The following GALNT14 variants were observed in gnomAD, a reference collection of about 807,000 sequenced individuals.
The protein encoded by GALNT14 is polypeptide N-acetylgalactosaminyltransferase 14.
In GALNT14, 60 loss-of-function variants were observed where a neutral mutation model predicts 77.5. The ratio of observed to expected loss-of-function variants is 0.77; its 90% CI spans 0.63 to 0.96. GALNT14 has a LOEUF of 0.96. GALNT14 is among the 40% of genes least tolerant of loss of function. The pLI, the probability that GALNT14 is intolerant of heterozygous loss-of-function variation, is 0.00. For missense variants in GALNT14, 710 were observed against 731.0 expected (o/e 0.97, Z 0.33); for synonymous variants, 280 against 281.7 (o/e 0.99, Z 0.06).
chr2:30,966,069 A>G, intron 3 of GALNT14, 135 bp downstream of exon 3: 1 of 642,746 alleles, frequency 1.6e-6, no homozygotes. Flanking sequence ...GACACATGTG[A>G]CATATAGAAT....
chr2:31,033,884 T>C (rs1672559038), intron 1 of GALNT14, among the ~76,000 whole-genome samples: 1 of 152,210 alleles, frequency 6.6e-6, no homozygotes, highest in Admixed American at 6.5e-5. Flanking sequence ...TGTCAGAAAC[T>C]GAACTCATGA....
intron 1 of GALNT14, among the ~76,000 whole-genome samples, chr2:31,087,444 T>A (rs1196023670): frequency 1.5e-5 from 1 of 64,978 alleles, no homozygotes; most frequent in Non-Finnish European, 3.4e-5. Flanking sequence ...GGGGATCTAC[T>A]GAGGGGAGGG....
At chr2:30,940,000 CAAA>C (rs72540472) in intron 9 of GALNT14, among the ~76,000 whole-genome samples, 21,580 of 126,274 alleles carry the variant, frequency 0.17, 1,664 homozygotes, top group Non-Finnish European at 0.2. Context: ...TATAAAATGC[CAAA>C]AAAAAAAAAA....
chr2:30,962,314 G>A (rs1667741741), intron 3 of GALNT14, among the ~76,000 whole-genome samples: 1 of 152,202 alleles, frequency 6.6e-6, no homozygotes, highest in Non-Finnish European at 1.5e-5. Flanking sequence ...CACCTGTTAA[G>A]GGCAGAGCCA....
At chr2:31,018,078 G>A (rs1421302064) in intron 1 of GALNT14, among the ~76,000 whole-genome samples, 3 of 152,294 alleles carry the variant, frequency 2.0e-5, no homozygotes, top group Admixed American at 1.3e-4. Context: ...CAATTTTCAC[G>A]ACAAGAAAGG....
chr2:30,991,084 A>C (rs1669668721), intron 2 of GALNT14: 1 of 151,374 alleles, frequency 6.6e-6, no homozygotes, highest in Admixed American at 6.6e-5. Context: ...TGGTAGAAGA[A>C]GTTAAGTGTA....
intron 1 of GALNT14, among the ~76,000 whole-genome samples, chr2:31,009,470 C>T (rs1670886347): frequency 6.6e-6 from 1 of 152,216 alleles, no homozygotes; most frequent in African/African-American, 2.4e-5. Context: ...CTCCTCTCCA[C>T]TCGTTACACT....
At chr2:31,109,366 C>T (rs1677723287) in intron 1 of GALNT14, among the ~76,000 whole-genome samples, 1 of 152,172 alleles carries the variant, frequency 6.6e-6, no homozygotes, top group Non-Finnish European at 1.5e-5. Flanking sequence ...CAGAAGGAAG[C>T]CACCCATTGA....
chr2:31,108,575 A>G (rs1373769405), intron 1 of GALNT14, among the ~76,000 whole-genome samples: 1 of 152,256 alleles, frequency 6.6e-6, no homozygotes, highest in African/African-American at 2.4e-5. Flanking sequence ...AATGCAAGAA[A>G]GGTAACACTG....
chr2:30,909,685 T>C (rs1664251244), downstream of GALNT14, among the ~76,000 whole-genome samples: 1 of 151,918 alleles, frequency 6.6e-6, no homozygotes, highest in Admixed American at 6.6e-5. Context: ...GGAAATACCA[T>C]TTGACCCAGC....
At chr2:31,045,220 C>T (rs952271562) in intron 1 of GALNT14, among the ~76,000 whole-genome samples, 12 of 152,134 alleles carry the variant, frequency 7.9e-5, no homozygotes, top group African/African-American at 2.9e-4. Context: ...ACTTCAGAGG[C>T]CTTGCCATTT....
At chr2:30,989,581 T>TATATATATATATATATATAA (rs1384068782) in intron 2 of GALNT14, among the ~76,000 whole-genome samples, 3 of 108,172 alleles carry the variant, frequency 2.8e-5, no homozygotes, top group Admixed American at 9.6e-5. Flanking sequence ...TATATATATA[T>TATATATATATATATATATAA]AAAAATATAT....
At chr2:30,978,495 C>G (rs143508724) in intron 2 of GALNT14, among the ~76,000 whole-genome samples, 195 of 152,272 alleles carry the variant, frequency 1.3e-3, no homozygotes, top group African/African-American at 4.5e-3. Flanking sequence ...ATATATGGTG[C>G]CTCCCACACA....
chr2:31,021,171 T>C (rs574761949), intron 1 of GALNT14, among the ~76,000 whole-genome samples: 1 of 152,158 alleles, frequency 6.6e-6, no homozygotes, highest in South Asian at 2.1e-4. Context: ...GGAAGGGATG[T>C]TCCCAAGGGC....
intron 1 of GALNT14, among the ~76,000 whole-genome samples, chr2:31,041,405 G>C (rs551236939): frequency 6.6e-6 from 1 of 152,310 alleles, no homozygotes; most frequent in East Asian, 1.9e-4. Context: ...TTCTTGGAAA[G>C]ATGGACAGGA....
At chr2:30,941,620 T>G (rs1167627683) in intron 9 of GALNT14, among the ~76,000 whole-genome samples, 1 of 152,178 alleles carries the variant, frequency 6.6e-6, no homozygotes, top group Non-Finnish European at 1.5e-5. Context: ...AACCATCTGT[T>G]TGTACAGTTT....
intron 1 of GALNT14, among the ~76,000 whole-genome samples, chr2:31,091,096 G>A (rs1676714875): frequency 6.6e-6 from 1 of 152,122 alleles, no homozygotes; most frequent in Admixed American, 6.5e-5. Context: ...TGCTTTGACT[G>A]GGGGAGGTAA....
intron 2 of GALNT14, among the ~76,000 whole-genome samples, chr2:30,966,509 A>G (rs914192491): frequency 6.6e-6 from 1 of 152,156 alleles, no homozygotes; most frequent in Non-Finnish European, 1.5e-5. Context: ...ACTAAATCTG[A>G]ATTTTCTACC....
At chr2:31,014,661 A>G (rs1671235996) in intron 1 of GALNT14, among the ~76,000 whole-genome samples, 1 of 152,158 alleles carries the variant, frequency 6.6e-6, no homozygotes. Context: ...TTCTAGACCC[A>G]ATCTATCTGC....
Sources: allele counts gnomAD v4.1 joint callset (sites outside exome capture counted in the v4.1 genomes callset), GRCh38; gene constraint gnomAD v4.1.1; transcripts MANE v1.5; gene names NCBI Gene and HGNC (gene_info 2026-07-23, HGNC 2026-07-21).